The following CSMD1 variants were observed in gnomAD, a reference collection of about 807,000 sequenced individuals.
CSMD1 encodes CUB and Sushi multiple domains 1.
Under a neutral mutation model 417.5 loss-of-function variants are expected in CSMD1, and 213 were observed. The ratio of observed to expected loss-of-function variants is 0.51; its 90% CI spans 0.46 to 0.57. The LOEUF is 0.57. Among genes scored for constraint, CSMD1 ranks in the 20% least tolerant of loss-of-function variants. CSMD1 has a pLI of 0.00. For missense variants in CSMD1, 6,923 were observed against 4,529.7 expected (o/e 1.53, Z -15.17); for synonymous variants, 2,862 against 1,736.8 (o/e 1.65, Z -16.11).
At chr8:4,150,391 G>C (rs889061852) in intron 3 of CSMD1, among the ~76,000 whole-genome samples, 8 of 152,172 alleles carry the variant, frequency 5.3e-5, no homozygotes, top group African/African-American at 1.2e-4. Context: ...GCTACCTTTG[G>C]AAGTAATGTG....
At chr8:3,996,465 C>A (rs1039145302) in intron 5 of CSMD1, among the ~76,000 whole-genome samples, 2 of 151,664 alleles carry the variant, frequency 1.3e-5, no homozygotes, top group Non-Finnish European at 2.9e-5. Context: ...AGCACAGCCT[C>A]TCTTTTTACA....
chr8:3,994,457 A>AAAAG lies in CSMD1; in HGVS notation c.818+3445_818+3446insCTTT, dbSNP rs1815044273. Among the ~76,000 whole-genome samples, 3 of 150,178 alleles carry AAAAG rather than the reference A, an allele frequency of 2.0e-5. No homozygotes were observed. The South Asian group carries it at 6.3e-4, about 32-fold the overall frequency. ...CATCAAATCTCTTCAGAAAAAAAAA[A>AAAAG]AAAAAAAAAGAACACTTGGCTAGTC... On this transcript the variant is annotated intron_variant, in intron 5 of 69. Transcript: ENST00000635120.
At chr8:3,459,868 G>C (rs7013626) in intron 12 of CSMD1, among the ~76,000 whole-genome samples, 3,468 of 151,440 alleles carry the variant, frequency 0.023, 146 homozygotes, top group African/African-American at 0.079. Flanking sequence ...ACTCAACTAA[G>C]ACTTAAAAAA....
At chr8:3,467,228 C>A (rs146354174) in intron 12 of CSMD1, among the ~76,000 whole-genome samples, 1 of 152,182 alleles carries the variant, frequency 6.6e-6, no homozygotes. Flanking sequence ...AGTTTGGGCA[C>A]GAGGTTCCTC....
intron 6 of CSMD1, among the ~76,000 whole-genome samples, chr8:3,726,632 T>C (rs1644134723): frequency 1.3e-5 from 2 of 152,190 alleles, no homozygotes; most frequent in South Asian, 4.1e-4. Context: ...GGTACATCAA[T>C]CCTTTTTTAT....
chr8:4,637,825 C>T (rs1015224088), intron 1 of CSMD1, among the ~76,000 whole-genome samples: 2 of 151,590 alleles, frequency 1.3e-5, no homozygotes, highest in Non-Finnish European at 2.9e-5. Flanking sequence ...CGCCCGCCAC[C>T]GCGCCCGGCT....
chr8:3,809,348 C>T (rs140823730), intron 5 of CSMD1, among the ~76,000 whole-genome samples: 144 of 152,250 alleles, frequency 9.5e-4, no homozygotes, highest in Middle Eastern at 3.4e-3. Context: ...TATTTGTTTA[C>T]GCACTTGTTT....
intron 5 of CSMD1, among the ~76,000 whole-genome samples, chr8:3,964,868 G>A (rs1192559486): frequency 6.6e-6 from 1 of 152,154 alleles, no homozygotes; most frequent in Non-Finnish European, 1.5e-5. Flanking sequence ...TTGAAAAAGT[G>A]TGATTGCATA....
intron 5 of CSMD1, among the ~76,000 whole-genome samples, chr8:3,830,785 G>A (rs969995132): frequency 2.0e-5 from 3 of 152,100 alleles, no homozygotes; most frequent in South Asian, 2.1e-4. Flanking sequence ...GGATATGCAC[G>A]CCAGTAAAAT....
intron 1 of CSMD1, among the ~76,000 whole-genome samples, chr8:4,940,188 C>G (rs1807899944): frequency 1.3e-5 from 2 of 152,102 alleles, no homozygotes; most frequent in African/African-American, 4.8e-5. Flanking sequence ...GACCTATTTC[C>G]TCTTTAAGAA....
intron 50 of CSMD1, among the ~76,000 whole-genome samples, chr8:3,051,718 GT>G (rs1811828961): frequency 6.6e-6 from 1 of 152,108 alleles, no homozygotes; most frequent in Non-Finnish European, 1.5e-5. Flanking sequence ...ATGTTATATA[GT>G]TTTTAACTTA....
At chr8:3,565,819 GT>G (rs146715318) in intron 10 of CSMD1, among the ~76,000 whole-genome samples, 97 of 149,348 alleles carry the variant, frequency 6.5e-4, no homozygotes, top group Middle Eastern at 3.4e-3. Flanking sequence ...CAAATATATT[GT>G]TTTTTTTTTC....
Position 3,570,248 on chromosome 8 carries a change from G to C in CSMD1, c.1344+4697C>G, listed in dbSNP as rs1256679122. Reference sequence around the variant, plus strand: ...CACATCATATGCAAAAGATATACTAGTGTTAATTCCAACCTCTTTCCTTGG... The same window carrying C: ...CACATCATATGCAAAAGATATACTACTGTTAATTCCAACCTCTTTCCTTGG... On this transcript the variant is annotated intron_variant, in intron 10 of 69. Transcript: ENST00000635120. 2.6e-5 allele frequency among the ~76,000 whole-genome samples: 4 copies of C among 152,194 alleles called. No individual in the cohort carries two copies. The South Asian group carries it at 6.2e-4, about 24-fold the overall frequency.
intron 41 of CSMD1, among the ~76,000 whole-genome samples, chr8:3,121,830 C>T (rs1267267482): frequency 6.6e-6 from 1 of 152,020 alleles, no homozygotes; most frequent in Non-Finnish European, 1.5e-5. Flanking sequence ...AAACAAAAAA[C>T]AGATACAAAG....
chr8:3,875,452 G>T (rs182538997), intron 5 of CSMD1, among the ~76,000 whole-genome samples: 1 of 152,252 alleles, frequency 6.6e-6, no homozygotes, highest in African/African-American at 2.4e-5. Flanking sequence ...TGATGTAGGT[G>T]AATGGGTGGA....
At chr8:4,362,652 A>G (rs1801839012) in intron 3 of CSMD1, among the ~76,000 whole-genome samples, 1 of 152,224 alleles carries the variant, frequency 6.6e-6, no homozygotes, top group Non-Finnish European at 1.5e-5. Context: ...ACTGGCCTCA[A>G]GAAGGAAAGG....
chr8:4,835,040 T>C (rs1049218310), intron 1 of CSMD1, among the ~76,000 whole-genome samples: 1 of 126,042 alleles, frequency 7.9e-6, no homozygotes, highest in Non-Finnish European at 1.7e-5. Flanking sequence ...GGGGAACAAA[T>C]GATGACATTT....
intron 5 of CSMD1, among the ~76,000 whole-genome samples, chr8:3,833,303 T>G (rs540524821): frequency 6.6e-6 from 1 of 152,264 alleles, no homozygotes; most frequent in Non-Finnish European, 1.5e-5. Flanking sequence ...ATTTTATGTT[T>G]CAGATTTCTA....
chr8:4,566,429 T>C (rs10094595), intron 2 of CSMD1, among the ~76,000 whole-genome samples: 3 of 151,234 alleles, frequency 2.0e-5, no homozygotes, highest in Non-Finnish European at 4.4e-5. Flanking sequence ...CGAGGTGGGT[T>C]GATCACGAGG....
Sources: allele counts gnomAD v4.1 joint callset (sites outside exome capture counted in the v4.1 genomes callset), GRCh38; gene constraint gnomAD v4.1.1; transcripts MANE v1.5; gene names NCBI Gene and HGNC (gene_info 2026-07-23, HGNC 2026-07-21).